The following KLHL5 variants were observed in gnomAD, a reference collection of about 807,000 sequenced individuals.
KLHL5 encodes the protein kelch-like protein 5.
Under a neutral mutation model 77.7 loss-of-function variants are expected in KLHL5, and 48 were observed. The observed-to-expected ratio is 0.62, with a 90% CI of 0.49 to 0.79. The LOEUF is 0.79. Ranked by LOEUF, KLHL5 falls within the 30% of genes least tolerant of loss-of-function variation. The pLI is 0.00. For synonymous variants in KLHL5, 260 were observed against 297.0 expected (o/e 0.88, Z 1.28); for missense variants, 723 against 859.7 (o/e 0.84, Z 1.99).
intron 4 of KLHL5, among the ~76,000 whole-genome samples, chr4:39,086,145 T>C (rs925528435): frequency 2.0e-5 from 3 of 152,140 alleles, no homozygotes; most frequent in Admixed American, 6.6e-5. Context: ...AAACCGCAAA[T>C]CCACCCACTT....
intron 7 of KLHL5, among the ~76,000 whole-genome samples, chr4:39,105,939 G>A (rs1722002500): frequency 6.6e-6 from 1 of 151,984 alleles, no homozygotes; most frequent in Admixed American, 6.6e-5. Context: ...GCCCCCAAGT[G>A]ACATATTTTA....
chr4:39,052,062 CATA>C (rs1393879401), intron 1 of KLHL5, among the ~76,000 whole-genome samples: 3 of 152,068 alleles, frequency 2.0e-5, no homozygotes, highest in African/African-American at 7.2e-5. Context: ...AGAAGTATTC[CATA>C]ATATTTCTTT....
upstream of KLHL5, among the ~76,000 whole-genome samples, chr4:39,059,177 T>A (rs1169962079): frequency 6.6e-6 from 1 of 152,182 alleles, no homozygotes; most frequent in African/African-American, 2.4e-5. Context: ...AAAGTGTTAT[T>A]TAAGTGAATG....
intron 7 of KLHL5, among the ~76,000 whole-genome samples, chr4:39,106,688 G>T (rs1722061085): frequency 6.6e-6 from 1 of 152,160 alleles, no homozygotes; most frequent in South Asian, 2.1e-4. Flanking sequence ...GTTTTAAATA[G>T]TAGCAATGTA....
intron 10 of KLHL5, among the ~76,000 whole-genome samples, chr4:39,117,087 G>C (rs150960565): frequency 0.012 from 1,775 of 152,174 alleles, 30 homozygotes; most frequent in African/African-American, 0.04. Context: ...CACCCACCTT[G>C]GCCTCTCAAA....
downstream of KLHL5, chr4:39,127,005 A>T: frequency 9.5e-6 from 3 of 317,332 alleles, no homozygotes; most frequent in South Asian, 7.9e-5. Flanking sequence ...AATTACCCTT[A>T]CACTCCTGCT....
chr4:39,058,572 G>A (rs998462634), upstream of KLHL5, among the ~76,000 whole-genome samples: 20 of 152,118 alleles, frequency 1.3e-4, no homozygotes, highest in Admixed American at 6.6e-4. Context: ...AGCTGAGATC[G>A]AGCTACTGCA....
At chr4:39,141,106 C>G in the KLHL5 span, among the ~76,000 whole-genome samples, 3 of 151,934 alleles carry the variant, frequency 2.0e-5, no homozygotes, top group African/African-American at 7.3e-5. Flanking sequence ...GAGACAGGGT[C>G]AAAGGAAGTG....
intron 8 of KLHL5, 164 bp from the exon 9 acceptor site, chr4:39,112,856 G>A: frequency 1.6e-6 from 1 of 619,716 alleles, no homozygotes; most frequent in Non-Finnish European, 2.8e-6. Context: ...ACTTACATGT[G>A]TCATTTCAAA....
intron 1 of KLHL5, among the ~76,000 whole-genome samples, chr4:39,067,944 A>G (rs1718053056): frequency 6.6e-6 from 1 of 151,944 alleles, no homozygotes; most frequent in East Asian, 1.9e-4. Flanking sequence ...CGGCCTCCCA[A>G]AGTGCTAGGA....
chr4:39,117,414 T>C (rs1205215522), intron 10 of KLHL5, among the ~76,000 whole-genome samples: 3 of 151,934 alleles, frequency 2.0e-5, no homozygotes, highest in African/African-American at 4.8e-5. Flanking sequence ...AATGATGCAG[T>C]TGGGGTCGCA....
chr4:39,049,573 G>A (rs2109239438), intron 1 of KLHL5, among the ~76,000 whole-genome samples: 1 of 152,086 alleles, frequency 6.6e-6, no homozygotes, highest in East Asian at 1.9e-4. Flanking sequence ...TCCAGTCCGA[G>A]CTTCCTTGGG....
At chr4:39,130,444 T>A (rs10155139), downstream of KLHL5, among the ~76,000 whole-genome samples, 842 of 152,330 alleles carry the variant, frequency 5.5e-3, 8 homozygotes, top group African/African-American at 0.019. Context: ...AACCTTCCAG[T>A]GTGGGCGTTA....
chr4:39,097,053 AATGATGGAG>A (rs1406031577), intron 6 of KLHL5, among the ~76,000 whole-genome samples, 175 bp downstream of exon 6: 1 of 152,222 alleles, frequency 6.6e-6, no homozygotes, highest in Non-Finnish European at 1.5e-5. Flanking sequence ...GTGCTCAAAG[AATGATGGAG>A]ATAGGTCAAA....
At chr4:39,104,339 T>G (rs954242441) in intron 7 of KLHL5, among the ~76,000 whole-genome samples, 8 of 152,122 alleles carry the variant, frequency 5.3e-5, no homozygotes, top group African/African-American at 1.9e-4. Context: ...GTCCATAAAA[T>G]CAACTATTAT....
intron 10 of KLHL5, among the ~76,000 whole-genome samples, chr4:39,117,968 A>G (rs879431272): frequency 3.3e-5 from 5 of 152,012 alleles, no homozygotes; most frequent in Non-Finnish European, 5.9e-5. Flanking sequence ...GGCTGAGGCA[A>G]AAGAATCGCT....
chr4:39,129,915 C>A (rs1288588627), downstream of KLHL5, among the ~76,000 whole-genome samples: 1 of 152,084 alleles, frequency 6.6e-6, no homozygotes, highest in African/African-American at 2.4e-5. This position sits in a 1 kb window ranked among gnomAD's most constrained non-coding sequence, Gnocchi z 4.2. Context: ...GGGAACCCAC[C>A]CAGCAACTAT....
intron 1 of KLHL5, among the ~76,000 whole-genome samples, chr4:39,064,721 T>A (rs866522921): frequency 4.6e-5 from 7 of 152,144 alleles, no homozygotes; most frequent in African/African-American, 1.7e-4. Context: ...TTCTTTAGTA[T>A]GCATACAGAA....
intron 5 of KLHL5, among the ~76,000 whole-genome samples, chr4:39,087,677 T>C (rs1720175423): frequency 6.6e-6 from 1 of 152,212 alleles, no homozygotes; most frequent in Non-Finnish European, 1.5e-5. Context: ...TTTTTACAAT[T>C]TTCACTGGAA....
Sources: allele counts gnomAD v4.1 joint callset (sites outside exome capture counted in the v4.1 genomes callset), GRCh38; gene constraint gnomAD v4.1.1; non-coding constraint Gnocchi (gnomAD v3.1); transcripts MANE v1.5; gene names NCBI Gene and HGNC (gene_info 2026-07-23, HGNC 2026-07-21).